Variants in PDZRN4 observed in about 807,000 individuals in gnomAD.
PDZRN4 encodes PDZ domain containing ring finger 4, also known as PDZ domain-containing RING finger protein 4.
A neutral mutation model predicts 99.0 loss-of-function variants in PDZRN4; 70 were observed. The observed-to-expected ratio is 0.71, with a 90% CI of 0.58 to 0.86. The LOEUF (loss-of-function observed/expected upper bound fraction) is 0.86, where lower values mean the gene tolerates loss of function less well. PDZRN4 is among the 40% of genes least tolerant of loss of function. The pLI is 0.00. For missense variants in PDZRN4, 1,474 were observed against 1,331.2 expected (o/e 1.11, Z -1.67); for synonymous variants, 551 against 501.6 (o/e 1.10, Z -1.32).
intron 3 of PDZRN4, among the ~76,000 whole-genome samples, chr12:41,472,301 C>T (rs994233959): frequency 2.6e-5 from 4 of 152,080 alleles, no homozygotes; most frequent in African/African-American, 9.7e-5. Context: ...CGGCGCCTGG[C>T]CCTGTATTAC....
At chr12:41,448,814 A>G (rs892913176) in intron 3 of PDZRN4, among the ~76,000 whole-genome samples, 1 of 152,172 alleles carries the variant, frequency 6.6e-6, no homozygotes, top group African/African-American at 2.4e-5. Flanking sequence ...TGACAAACAT[A>G]TTTTAATATG....
At chr12:41,501,813 T>A (rs73278073) in intron 3 of PDZRN4, among the ~76,000 whole-genome samples, 3,752 of 152,258 alleles carry the variant, frequency 0.025, 154 homozygotes, top group African/African-American at 0.087. Context: ...TGATCTGAAT[T>A]GATAAGTGCA....
chr12:41,503,188 G>T (rs1938140557), intron 3 of PDZRN4, among the ~76,000 whole-genome samples: 2 of 152,220 alleles, frequency 1.3e-5, no homozygotes, highest in East Asian at 3.9e-4. Context: ...TAGCAGTAGA[G>T]CATTTAAAGG....
intron 3 of PDZRN4, among the ~76,000 whole-genome samples, chr12:41,281,066 G>GAGCATGTTCTAACTCAATGCAAGGAAGC (rs1190042175): frequency 7.4e-5 from 11 of 148,610 alleles, no homozygotes; most frequent in South Asian, 4.2e-4. Flanking sequence ...TGATACCCAG[G>GAGCATGTTCTAACTCAATGCAAGGAAGC]TAAACAGGGT....
At chr12:41,400,359 C>T (rs1952281078) in intron 3 of PDZRN4, among the ~76,000 whole-genome samples, 1 of 152,070 alleles carries the variant, frequency 6.6e-6, no homozygotes, top group Non-Finnish European at 1.5e-5. Context: ...AATTGGGCTC[C>T]ATGTGAAATA....
intron 3 of PDZRN4, among the ~76,000 whole-genome samples, chr12:41,398,043 T>C (rs1002250576): frequency 1.3e-5 from 2 of 152,112 alleles, no homozygotes; most frequent in African/African-American, 2.4e-5. Context: ...ATCTCTGAGA[T>C]GATGTGAAGA....
rs141772109 is a variant in PDZRN4 at position 41,396,397 on chromosome 12, A to ATTG, written c.844-110035_844-110033dup. ...CTACTACTGCATTTTAGCGTTTGCT[A>ATTG]TTGTTGTTGTTGTTGTTGTTGTTGT... On this transcript the variant is annotated intron_variant, in intron 3 of 9. Coordinates refer to ENST00000402685, the MANE Select transcript of PDZRN4 (RefSeq NM_001164595.2). 7.8e-3 allele frequency among the ~76,000 whole-genome samples: 1,180 copies of ATTG among 151,838 alleles called. 9 individuals are homozygous for ATTG. The highest frequency in any genetic ancestry group is 0.013 in the Non-Finnish European group (850 of 67,906).
At chr12:41,277,556 G>T (rs1304960618) in intron 3 of PDZRN4, among the ~76,000 whole-genome samples, 1 of 152,116 alleles carries the variant, frequency 6.6e-6, no homozygotes, top group Non-Finnish European at 1.5e-5. Flanking sequence ...CTCACCTTAC[G>T]CTCACTGTGG....
At chr12:41,196,150 G>A (rs557155698) in intron 3 of PDZRN4, among the ~76,000 whole-genome samples, 8 of 151,928 alleles carry the variant, frequency 5.3e-5, no homozygotes, top group Non-Finnish European at 1.2e-4. Context: ...AAAATCAAGT[G>A]CATCTAGACA....
chr12:41,543,152 C>A (rs1452335208), intron 5 of PDZRN4, among the ~76,000 whole-genome samples: 1 of 152,162 alleles, frequency 6.6e-6, no homozygotes, highest in Admixed American at 6.5e-5. Context: ...CTGGAGCATC[C>A]CCTCTTGTGG....
intron 3 of PDZRN4, among the ~76,000 whole-genome samples, chr12:41,283,641 C>T (rs564384869): frequency 2.1e-4 from 32 of 152,286 alleles, no homozygotes; most frequent in African/African-American, 7.5e-4. Context: ...TCCAGCAGCA[C>T]ATCAAAAAGC....
chr12:41,341,860 A>G (rs907495587), intron 3 of PDZRN4, among the ~76,000 whole-genome samples: 2 of 151,968 alleles, frequency 1.3e-5, no homozygotes, highest in Non-Finnish European at 2.9e-5. Context: ...TCTAAAATTC[A>G]TATGAAAACA....
chr12:41,521,404 A>G (rs535984414), intron 5 of PDZRN4, among the ~76,000 whole-genome samples: 3 of 152,140 alleles, frequency 2.0e-5, no homozygotes, highest in South Asian at 4.2e-4. Context: ...GCTTGTTGGG[A>G]AAAAAAAGTT....
chr12:41,373,596 C>A (rs1475278188), intron 3 of PDZRN4, among the ~76,000 whole-genome samples: 1 of 152,114 alleles, frequency 6.6e-6, no homozygotes, highest in Non-Finnish European at 1.5e-5. Context: ...CTGAACATTG[C>A]TGTTATCCTG....
intron 3 of PDZRN4, among the ~76,000 whole-genome samples, chr12:41,414,747 G>A (rs911621356): frequency 5.3e-5 from 8 of 152,112 alleles, no homozygotes; most frequent in Admixed American, 1.3e-4. Context: ...TAACTACCAT[G>A]ATGGAAAAAT....
At chr12:41,276,381 T>C (rs11180587) in intron 3 of PDZRN4, among the ~76,000 whole-genome samples, 12,332 of 152,164 alleles carry the variant, frequency 0.081, 639 homozygotes, top group African/African-American at 0.14. Context: ...ATTATAGTTA[T>C]TGTAGCAGTT....
intron 3 of PDZRN4, among the ~76,000 whole-genome samples, chr12:41,396,996 G>A (rs919314094): frequency 8.9e-6 from 1 of 111,902 alleles, no homozygotes; most frequent in Admixed American, 8.3e-5. Context: ...TCATTTTAGT[G>A]TAATGTAAAA....
intron 3 of PDZRN4, among the ~76,000 whole-genome samples, chr12:41,259,645 A>G (rs1167303292): frequency 6.6e-6 from 1 of 152,162 alleles, no homozygotes; most frequent in African/African-American, 2.4e-5. Context: ...CACAAGAGAA[A>G]CAAGTCTGAA....
chr12:41,463,549 A>G (rs998861433), intron 3 of PDZRN4, among the ~76,000 whole-genome samples: 1 of 152,022 alleles, frequency 6.6e-6, no homozygotes, highest in Non-Finnish European at 1.5e-5. Flanking sequence ...TATAATCTTT[A>G]AATAAACAAA....
Sources: allele counts gnomAD v4.1 joint callset (sites outside exome capture counted in the v4.1 genomes callset), GRCh38; gene constraint gnomAD v4.1.1; transcripts MANE v1.5; gene names NCBI Gene and HGNC (gene_info 2026-07-23, HGNC 2026-07-21).